Variants in KCNK10 observed in about 807,000 individuals in gnomAD.
The protein encoded by KCNK10 is potassium channel subfamily K member 10.
A neutral mutation model predicts 47.7 loss-of-function variants in KCNK10; 25 were observed. That is an observed-to-expected ratio of 0.52 (90% CI 0.38 to 0.73). The LOEUF (loss-of-function observed/expected upper bound fraction) is 0.73. Ranked by LOEUF, KCNK10 falls within the 30% of genes least tolerant of loss-of-function variation. The probability of loss-of-function intolerance (pLI) is 0.00; values close to 1 mark genes in which losing one functional copy is unlikely to be tolerated. For synonymous variants in KCNK10, 303 were observed against 285.6 expected, an observed-to-expected ratio of 1.06 and a Z score of -0.61; for missense variants, 563 against 714.5, an observed-to-expected ratio of 0.79 and a Z score of 2.42.
intron 1 of KCNK10, among the ~76,000 whole-genome samples, chr14:88,310,173 TG>T: frequency 8.1e-6 from 1 of 123,654 alleles, no homozygotes; most frequent in Non-Finnish European, 1.9e-5. Context: ...CCATATCATA[TG>T]GTATATGATA....
rs369691356 is a variant in KCNK10, at chr14:88,217,359, G to A, written c.681+10016C>T. Reference sequence around the variant, plus strand: ...AAAGGCAGCCATTTCTTAAACTAAAGCCACAGCCTACCACTCTGCCCTCCT... The same window carrying A: ...AAAGGCAGCCATTTCTTAAACTAAAACCACAGCCTACCACTCTGCCCTCCT... On this transcript the variant is annotated intron_variant, in intron 4 of 6. Coordinates refer to ENST00000319231, the MANE Select transcript of KCNK10 (RefSeq NM_138317.3). Among the ~76,000 whole-genome samples the A allele has an allele frequency of 5.9e-5, 9 of 152,150 alleles. No individual in the cohort carries two copies. In the South Asian group the frequency reaches 1.9e-3, roughly 32 times the overall value.
At chr14:88,324,875 G>A (rs1481096922), upstream of KCNK10, among the ~76,000 whole-genome samples, 1 of 152,162 alleles carries the variant, frequency 6.6e-6, no homozygotes, top group Non-Finnish European at 1.5e-5. Context: ...GTCCGCTGTG[G>A]TCTGTGGGAA....
chr14:88,186,183 A>G lies in KCNK10; in HGVS notation c.1012-28T>C, dbSNP rs1450748515. ...GGCCAAGAGACAGAAGAGCAACAATATGCTGACAAATGCCTCCCTGCCTTG... is the reference window on the plus strand; with the variant it reads ...GGCCAAGAGACAGAAGAGCAACAATGTGCTGACAAATGCCTCCCTGCCTTG... On this transcript the variant is annotated intron_variant, in intron 6 of 6. Coordinates refer to ENST00000319231, the MANE Select transcript of KCNK10 (RefSeq NM_138317.3). This position sits in a 1 kb window ranked among gnomAD's most constrained non-coding sequence, Gnocchi z 5.5. 1 of 1,542,772 alleles carries G rather than the reference A, an allele frequency of 6.5e-7. No homozygotes were observed. The highest frequency in any genetic ancestry group is 8.7e-7 in the Non-Finnish European group (1 of 1,143,990).
In KCNK10 at chr14:88,231,348, G is replaced by C. The variant is rs146391582; in HGVS notation, c.521-3813C>G. On this transcript the variant is annotated intron_variant, in intron 3 of 6. Coordinates refer to ENST00000319231, the MANE Select transcript of KCNK10 (RefSeq NM_138317.3). ...CTGGGTAAGTACCAACAGGTGCCTC[G>C]ATAGTTTGATAGGGACAACCCTTAA... Among the ~76,000 whole-genome samples, 762 of 152,198 alleles carry C rather than the reference G, an allele frequency of 5.0e-3. 3 individuals carry two copies. Among genetic ancestry groups the C allele is most frequent in the Middle Eastern group, 0.017 (5 of 294 alleles).
intron 4 of KCNK10, among the ~76,000 whole-genome samples, chr14:88,195,778 C>G (rs1232822502): frequency 6.6e-6 from 1 of 152,154 alleles, no homozygotes; most frequent in African/African-American, 2.4e-5. Flanking sequence ...TTGCAGATAA[C>G]GTTTGCGATG....
intron 1 of KCNK10, among the ~76,000 whole-genome samples, chr14:88,274,549 T>TAAAAAAAAAAA (rs3994047): frequency 0.014 from 569 of 40,494 alleles, 184 homozygotes; most frequent in Middle Eastern, 0.077. Context: ...AGACTCTATC[T>TAAAAAAAAAAA]AAAAAAAAAA....
intron 4 of KCNK10, among the ~76,000 whole-genome samples, chr14:88,208,582 T>C (rs1238348326): frequency 6.6e-6 from 1 of 152,214 alleles, no homozygotes; most frequent in Non-Finnish European, 1.5e-5. Flanking sequence ...CCATATGGCA[T>C]TTACATGTCA....
At chr14:88,216,153 C>T (rs756794083) in intron 4 of KCNK10, among the ~76,000 whole-genome samples, 12 of 152,196 alleles carry the variant, frequency 7.9e-5, no homozygotes, top group African/African-American at 1.4e-4. Context: ...ATCTCATTCC[C>T]GGAGTATAAA....
At chr14:88,206,481 T>G (rs907333963) in intron 4 of KCNK10, among the ~76,000 whole-genome samples, 5 of 152,238 alleles carry the variant, frequency 3.3e-5, no homozygotes, top group African/African-American at 1.2e-4. Context: ...ACAAATTGTT[T>G]GCATCTTTTC....
At chr14:88,302,241 T>A (rs368227422) in intron 1 of KCNK10, among the ~76,000 whole-genome samples, 2 of 152,100 alleles carry the variant, frequency 1.3e-5, no homozygotes, top group East Asian at 3.9e-4. Context: ...AGAAGCAAGT[T>A]TAGGATATAC....
intron 4 of KCNK10, among the ~76,000 whole-genome samples, chr14:88,213,955 T>TTATTAC (rs1555360668): frequency 2.1e-3 from 310 of 144,372 alleles, no homozygotes; most frequent in Non-Finnish European, 3.8e-3. Flanking sequence ...ATTATTATTA[T>TTATTAC]TGAGACAGAG....
intron 1 of KCNK10, among the ~76,000 whole-genome samples, chr14:88,314,444 T>C (rs1182983779): frequency 1.3e-5 from 2 of 152,136 alleles, no homozygotes; most frequent in Non-Finnish European, 2.9e-5. Context: ...ATCTATCTAG[T>C]TTATGGAATT....
rs559150644 is a variant in KCNK10 at position 88,268,390 on chromosome 14, G to A, written c.53-4839C>T. Reference sequence around the variant, plus strand: ...ACCCACTCCAGTTAGAGGCCTGTAGGCGCATGCTCATGCCCAACACAGCCC... The same window carrying A: ...ACCCACTCCAGTTAGAGGCCTGTAGACGCATGCTCATGCCCAACACAGCCC... On this transcript the variant is annotated intron_variant, in intron 1 of 6. Coordinates refer to ENST00000319231, the MANE Select transcript of KCNK10 (RefSeq NM_138317.3). Among the ~76,000 whole-genome samples the A allele has an allele frequency of 1.2e-4, 19 of 152,296 alleles. No individual in the cohort carries two copies. The East Asian group carries it at 1.9e-3, about 15-fold the overall frequency.
At chr14:88,203,961 G>C (rs1224023260) in intron 4 of KCNK10, among the ~76,000 whole-genome samples, 1 of 152,168 alleles carries the variant, frequency 6.6e-6, no homozygotes. Context: ...CAGGCATTGG[G>C]GCCAAATGTA....
In KCNK10 at chr14:88,309,580, C is replaced by T. The variant is rs200571037; in HGVS notation, c.52+13167G>A. Among the ~76,000 whole-genome samples the T allele has an allele frequency of 3.0e-4, 45 of 151,942 alleles. No individual in the cohort carries two copies. In the East Asian group the frequency reaches 4.7e-3, roughly 16 times the overall value. ...TTGCACCGCTGCACTCCAGCTCGGGCGACAAATCAAGATCTTGTCTCAAAA... is the reference window on the plus strand; with the variant it reads ...TTGCACCGCTGCACTCCAGCTCGGGTGACAAATCAAGATCTTGTCTCAAAA... On this transcript the variant is annotated intron_variant, in intron 1 of 6. Coordinates refer to ENST00000319231, the MANE Select transcript of KCNK10 (RefSeq NM_138317.3).
At chr14:88,294,668 T>C (rs1887949924) in intron 1 of KCNK10, among the ~76,000 whole-genome samples, 1 of 152,222 alleles carries the variant, frequency 6.6e-6, no homozygotes, top group African/African-American at 2.4e-5. Flanking sequence ...TAGGGCTACA[T>C]GGGCAAAGGA....
intron 4 of KCNK10, among the ~76,000 whole-genome samples, chr14:88,194,376 A>G (rs1429844754): frequency 6.6e-6 from 1 of 152,250 alleles, no homozygotes; most frequent in African/African-American, 2.4e-5. Flanking sequence ...GAAAAGTTCA[A>G]AGCCCAAAAG....
upstream of KCNK10, chr14:88,323,322 G>A (rs991225096): frequency 5.1e-6 from 5 of 982,342 alleles, no homozygotes; most frequent in East Asian, 1.2e-4. Flanking sequence ...GCCCCACCCC[G>A]GCCGCGGCTC....
chr14:88,187,631 CCA>C lies in KCNK10; in HGVS notation c.1011+334_1011+335del, dbSNP rs1315200649. ...GACCGGAAGGACAGGCTGCACCCCCCCACACACACACTCAGCCATAGTCTACC... is the reference window on the plus strand; with the variant it reads ...GACCGGAAGGACAGGCTGCACCCCCCCACACACACTCAGCCATAGTCTACC... On this transcript the variant is annotated intron_variant, in intron 6 of 6. Transcript: ENST00000319231. 2.7e-5 allele frequency among the ~76,000 whole-genome samples: 4 copies of C among 148,910 alleles called. No individual in the cohort carries two copies. The South Asian group carries it at 8.7e-4, about 32-fold the overall frequency.
Sources: allele counts gnomAD v4.1 joint callset (sites outside exome capture counted in the v4.1 genomes callset), GRCh38; gene constraint gnomAD v4.1.1; non-coding constraint Gnocchi (gnomAD v3.1); transcripts MANE v1.5; gene names NCBI Gene and HGNC (gene_info 2026-07-23, HGNC 2026-07-21).